The following PMS1 variants were observed in gnomAD, a reference collection of about 807,000 sequenced individuals.
PMS1 encodes the protein PMS1 homolog 1, mismatch repair system component, also known as PMS1 protein homolog 1.
A neutral mutation model predicts 93.1 loss-of-function variants in PMS1; 79 were observed. That is an observed-to-expected ratio of 0.85 (90% CI 0.71 to 1.02). PMS1 has a LOEUF of 1.02. PMS1 is among the 50% of genes least tolerant of loss of function. The probability of loss-of-function intolerance (pLI) is 0.00; values close to 1 mark genes in which losing one functional copy is unlikely to be tolerated. For synonymous variants in PMS1, 335 were observed against 363.4 expected (o/e 0.92, Z 0.89); for missense variants, 1,064 against 1,085.3 (o/e 0.98, Z 0.28).
At chr2:189,824,526 G>A (rs1209992650) in intron 5 of PMS1, among the ~76,000 whole-genome samples, 2 of 152,028 alleles carry the variant, frequency 1.3e-5, no homozygotes, top group African/African-American at 2.4e-5. Flanking sequence ...TTGGAAAGCA[G>A]TATTTATAGT....
intron 5 of PMS1, among the ~76,000 whole-genome samples, chr2:189,824,168 T>A (rs555201073): frequency 6.6e-6 from 1 of 152,142 alleles, no homozygotes; most frequent in African/African-American, 2.4e-5. Flanking sequence ...AGCATATGTG[T>A]TTCTACCTTG....
intron 11 of PMS1, among the ~76,000 whole-genome samples, chr2:189,870,087 T>C (rs2057015769): frequency 1.3e-5 from 2 of 152,228 alleles, no homozygotes; most frequent in African/African-American, 2.4e-5. Context: ...ACTTAGATTA[T>C]CATCAGCATT....
chr2:189,842,006 A>G (rs1324117384), intron 5 of PMS1, among the ~76,000 whole-genome samples: 11 of 150,550 alleles, frequency 7.3e-5, no homozygotes. Flanking sequence ...AATGTGTCCT[A>G]TTCCTGCCTC....
chr2:189,789,657 C>T (rs2048667777), intron 1 of PMS1, among the ~76,000 whole-genome samples: 1 of 152,078 alleles, frequency 6.6e-6, no homozygotes, highest in Non-Finnish European at 1.5e-5. Flanking sequence ...CTTATGCTGC[C>T]TGAGAAATAA....
intron 6 of PMS1, 64 bp from the exon 7 acceptor site, chr2:189,852,591 T>A (rs2054856362): frequency 2.1e-6 from 3 of 1,427,884 alleles, no homozygotes; most frequent in Non-Finnish European, 3.0e-6. Flanking sequence ...TTTCAAAGTG[T>A]TATATATAGC....
intron 5 of PMS1, among the ~76,000 whole-genome samples, chr2:189,841,967 C>G (rs2053853973): frequency 6.6e-6 from 1 of 151,244 alleles, no homozygotes; most frequent in Admixed American, 6.6e-5. Context: ...TGCTAGTGTA[C>G]CCATTCTTCC....
intron 1 of PMS1, among the ~76,000 whole-genome samples, chr2:189,788,727 T>TA (rs1251517957): frequency 3.9e-5 from 6 of 152,240 alleles, no homozygotes; most frequent in Non-Finnish European, 8.8e-5. Flanking sequence ...ATAATCAATG[T>TA]AAAAAATTGA....
intron 11 of PMS1, among the ~76,000 whole-genome samples, chr2:189,869,562 A>C (rs886474915): frequency 6.6e-6 from 1 of 152,156 alleles, no homozygotes; most frequent in Non-Finnish European, 1.5e-5. Flanking sequence ...CATGCCTGTA[A>C]TCCTAGCACT....
chr2:189,816,992 T>TAAAA (rs1476717243), intron 4 of PMS1, among the ~76,000 whole-genome samples: 2 of 152,222 alleles, frequency 1.3e-5, no homozygotes, highest in Non-Finnish European at 2.9e-5. Context: ...AGATGGTAGT[T>TAAAA]TTTAAATACT....
In PMS1 at chr2:189,854,396, C is replaced by T; in HGVS notation, c.1124C>T (p.Ser375Leu). 1 of 1,603,112 alleles carries T rather than the reference C, an allele frequency of 6.2e-7. No individual in the cohort carries two copies. The highest frequency in any genetic ancestry group is 1.1e-5 in the South Asian group (1 of 89,792). The change falls in exon 9 of 13, where the codon TCA becomes TTA. Residue 375 changes from serine to leucine, a missense_variant. By Grantham distance (145) the Ser-to-Leu change is moderately radical (BLOSUM62 -2). Transcript: ENST00000441310. ...ETDVLFNKVE[S>L]SGKNYSNVDT... ...GATGTGCTTTTTAATAAAGTGGAAT[C>T]ATCTGGAAAGAATTATTCAAATGTT...
intron 5 of PMS1, among the ~76,000 whole-genome samples, chr2:189,827,484 T>C (rs2052534783): frequency 6.6e-6 from 1 of 152,238 alleles, no homozygotes; most frequent in South Asian, 2.1e-4. Context: ...TACTTAGAAG[T>C]TCTACTGAGT....
rs573546612 is a variant in PMS1, at chr2:189,839,424, T to A, written c.583-4540T>A. 1.1e-4 allele frequency among the ~76,000 whole-genome samples: 16 copies of A among 152,370 alleles called. No homozygotes were observed. The East Asian group carries it at 2.9e-3, about 28-fold the overall frequency. On this transcript the variant is annotated intron_variant, in intron 5 of 12. Transcript: ENST00000441310. The stretch of plus-strand genomic sequence containing the variant: ...ATTAGATTTATCCAGTGACTCTACA[T>A]TGCACGTAAGGGAAACTATAAACCC...
At chr2:189,865,029 T>C (rs1324714322) in intron 10 of PMS1, among the ~76,000 whole-genome samples, 1 of 151,878 alleles carries the variant, frequency 6.6e-6, no homozygotes, top group Non-Finnish European at 1.5e-5. Flanking sequence ...TTTTCTTTCC[T>C]TCGCAAAATT....
Position 189,824,496 on chromosome 2 carries a change from C to A in PMS1, c.582+6316C>A, listed in dbSNP as rs1013881448. Among the ~76,000 whole-genome samples, 64 of 151,820 alleles carry A rather than the reference C, an allele frequency of 4.2e-4. 1 individual carries two copies. Among genetic ancestry groups the A allele is most frequent in the African/African-American group, 1.4e-3 (60 of 41,446 alleles). On this transcript the variant is annotated intron_variant, in intron 5 of 12. Transcript: ENST00000441310. ...ACCTGTTCATATGATGAGTAATTTT[C>A]TGTTAGGAAATAAAAGAAATTGGAA...
At chr2:189,873,176 T>G (rs1281152908) in intron 11 of PMS1, among the ~76,000 whole-genome samples, 1 of 152,212 alleles carries the variant, frequency 6.6e-6, no homozygotes, top group African/African-American at 2.4e-5. Flanking sequence ...CTTAAACCAG[T>G]TTTATTTTCA....
chr2:189,837,337 C>T (rs1208511934), intron 5 of PMS1, among the ~76,000 whole-genome samples: 1 of 151,876 alleles, frequency 6.6e-6, no homozygotes, highest in South Asian at 2.1e-4. Context: ...CTATGTTGCC[C>T]AGTCTGGTAT....
intron 5 of PMS1, among the ~76,000 whole-genome samples, chr2:189,841,654 A>G (rs549311593): frequency 1.3e-5 from 2 of 151,856 alleles, no homozygotes; most frequent in African/African-American, 4.8e-5. Flanking sequence ...ATGGTTAAGG[A>G]GTTCCTTTGG....
intron 5 of PMS1, among the ~76,000 whole-genome samples, chr2:189,834,166 A>G (rs1481107578): frequency 6.6e-6 from 1 of 152,244 alleles, no homozygotes; most frequent in East Asian, 1.9e-4. Flanking sequence ...AATATTGTTT[A>G]AAATCTGATT....
intron 11 of PMS1, among the ~76,000 whole-genome samples, chr2:189,869,446 A>G (rs2056944456): frequency 6.6e-6 from 1 of 152,126 alleles, no homozygotes; most frequent in Non-Finnish European, 1.5e-5. Context: ...GGGTGGGGGT[A>G]TATGTGTTTT....
Sources: gnomAD v4.1 joint callset for allele counts (sites outside exome capture counted in the v4.1 genomes callset) on GRCh38, gnomAD v4.1.1 for gene constraint, MANE v1.5 for transcripts, NCBI Gene and HGNC (gene_info 2026-07-23, HGNC 2026-07-21) for gene names.